The following CNTNAP4 variants were observed in gnomAD, a reference collection of about 807,000 sequenced individuals.
CNTNAP4 encodes the protein contactin associated protein family member 4.
CNTNAP4 carries 98 observed loss-of-function variants against 148.4 expected under a neutral mutation model. The ratio of observed to expected loss-of-function variants is 0.66; its 90% confidence interval spans 0.56 to 0.78. The LOEUF (loss-of-function observed/expected upper bound fraction) is 0.78. CNTNAP4 is among the 30% of genes least tolerant of loss of function. The probability of loss-of-function intolerance (pLI) is 0.00; values close to 1 mark genes in which losing one functional copy is unlikely to be tolerated. For missense variants in CNTNAP4, 1,935 were observed against 1,565.6 expected, an observed-to-expected ratio of 1.24 and a Z score of -3.98; for synonymous variants, 730 against 565.1, an observed-to-expected ratio of 1.29 and a Z score of -4.14.
chr16:76,322,923 C>T (rs1962577074), intron 2 of CNTNAP4, among the ~76,000 whole-genome samples: 1 of 152,020 alleles, frequency 6.6e-6, no homozygotes, highest in Non-Finnish European at 1.5e-5. Context: ...CAACCTCTGC[C>T]TTGTGGGTTC....
At chr16:76,313,095 C>T (rs564577026) in intron 1 of CNTNAP4, among the ~76,000 whole-genome samples, 1 of 152,104 alleles carries the variant, frequency 6.6e-6, no homozygotes, top group Non-Finnish European at 1.5e-5. Flanking sequence ...TATTACATGT[C>T]TTTCTCCCCA....
chr16:76,378,678 C>T lies in CNTNAP4; in HGVS notation c.390+23167C>T, dbSNP rs1464319971. ...GTCCAGTGTATTCTTGCAGTCTCAG[C>T]CCTGACCACACTCCAGCTTTCTAGG... On this transcript the variant is annotated intron_variant, in intron 3 of 23. Coordinates refer to ENST00000611870, the MANE Select transcript of CNTNAP4 (RefSeq NM_033401.5). 2.6e-5 allele frequency among the ~76,000 whole-genome samples: 4 copies of T among 152,190 alleles called. No individual in the cohort carries two copies. The East Asian group carries it at 7.7e-4, about 29-fold the overall frequency.
chr16:76,516,692 A>G (rs2083265680), intron 15 of CNTNAP4, among the ~76,000 whole-genome samples: 1 of 152,248 alleles, frequency 6.6e-6, no homozygotes, highest in Admixed American at 6.5e-5. Context: ...ATTTTAATAT[A>G]TCCATACCAT....
At chr16:76,301,144 T>C (rs1413497854) in intron 1 of CNTNAP4, among the ~76,000 whole-genome samples, 2 of 151,562 alleles carry the variant, frequency 1.3e-5, no homozygotes, top group Non-Finnish European at 2.9e-5. Context: ...TATAAAAAAT[T>C]AACACACACA....
At chr16:76,529,843 C>CTCTG (rs1555595408) in intron 17 of CNTNAP4, among the ~76,000 whole-genome samples, 1 of 148,352 alleles carries the variant, frequency 6.7e-6, no homozygotes. Flanking sequence ...TGAATCTCAG[C>CTCTG]TGTGTGTGTG....
intron 13 of CNTNAP4, among the ~76,000 whole-genome samples, chr16:76,490,310 A>T (rs1568379427): frequency 6.6e-6 from 1 of 152,164 alleles, no homozygotes; most frequent in Non-Finnish European, 1.5e-5. Context: ...TGGATTGTTG[A>T]CAGCCTCTGG....
At chr16:76,366,521 A>T (rs1055008996) in intron 3 of CNTNAP4, among the ~76,000 whole-genome samples, 2 of 152,078 alleles carry the variant, frequency 1.3e-5, no homozygotes, top group Non-Finnish European at 2.9e-5. Context: ...CATTTTCTTT[A>T]TCCAGTCTTT....
At chr16:76,419,164 C>T (rs1292418634) in intron 3 of CNTNAP4, among the ~76,000 whole-genome samples, 3 of 152,026 alleles carry the variant, frequency 2.0e-5, no homozygotes, top group East Asian at 1.9e-4. Context: ...TTCCCTCCTG[C>T]CAGCTACTGT....
At chr16:76,462,786 A>G (rs73621009) in intron 9 of CNTNAP4, among the ~76,000 whole-genome samples, 6,801 of 152,282 alleles carry the variant, frequency 0.045, 286 homozygotes, top group African/African-American at 0.11. Flanking sequence ...TAGAAATCCA[A>G]TGTTTTAAAA....
intron 13 of CNTNAP4, among the ~76,000 whole-genome samples, chr16:76,493,085 G>T (rs2082281749): frequency 6.6e-6 from 1 of 151,988 alleles, no homozygotes; most frequent in Non-Finnish European, 1.5e-5. Flanking sequence ...TTCTCAGATT[G>T]GTGACCTCAT....
intron 3 of CNTNAP4, among the ~76,000 whole-genome samples, chr16:76,408,119 T>C (rs1193742936): frequency 6.6e-6 from 1 of 152,052 alleles, no homozygotes; most frequent in Non-Finnish European, 1.5e-5. Flanking sequence ...GGCATATAGC[T>C]ATTATACACT....
intron 1 of CNTNAP4, among the ~76,000 whole-genome samples, chr16:76,289,542 T>TTC (rs1555514281): frequency 6.6e-6 from 1 of 151,326 alleles, no homozygotes; most frequent in Non-Finnish European, 1.5e-5. Flanking sequence ...TTTTTTTTTT[T>TTC]ACCAGCATTA....
chr16:76,488,085 G>C (rs921389889), intron 12 of CNTNAP4, among the ~76,000 whole-genome samples: 1 of 152,146 alleles, frequency 6.6e-6, no homozygotes, highest in African/African-American at 2.4e-5. Context: ...AGGCTGTCAG[G>C]TTTGTCTAGT....
chr16:76,467,526 A>G lies in CNTNAP4; in HGVS notation c.1655+3A>G, dbSNP rs2081217950. ...GACTCATGTGGCATCTCAGACAGGT[A>G]AGGGCAATCTCACTTCATTTTGACC... is the stretch of plus-strand genomic sequence containing the variant. On this transcript the variant is annotated splice_donor_region_variant and intron_variant, in intron 10 of 23. Coordinates refer to ENST00000611870, the MANE Select transcript of CNTNAP4 (RefSeq NM_033401.5). The G allele has an allele frequency of 2.5e-6, 4 of 1,596,378 alleles. No homozygotes were observed. Among genetic ancestry groups the G allele is most frequent in the African/African-American group, 1.4e-5 (1 of 74,020 alleles).
intron 23 of CNTNAP4, among the ~76,000 whole-genome samples, chr16:76,554,895 A>C (rs1309863417): frequency 6.6e-6 from 1 of 151,890 alleles, no homozygotes; most frequent in Non-Finnish European, 1.5e-5. Context: ...TGGCTTCTTA[A>C]AGTTGGTTTT....
At chr16:76,294,653 G>A (rs1959192713) in intron 1 of CNTNAP4, among the ~76,000 whole-genome samples, 1 of 152,100 alleles carries the variant, frequency 6.6e-6, no homozygotes, top group Admixed American at 6.6e-5. Context: ...CTCTGGGTTG[G>A]GCTATTATTC....
intron 3 of CNTNAP4, among the ~76,000 whole-genome samples, chr16:76,363,469 T>C (rs2013695038): frequency 6.6e-6 from 1 of 152,124 alleles, no homozygotes; most frequent in South Asian, 2.1e-4. Context: ...GCCTGGACCC[T>C]TATACCGTAT....
At chr16:76,417,650 A>G (rs1237308336) in intron 3 of CNTNAP4, among the ~76,000 whole-genome samples, 1 of 151,666 alleles carries the variant, frequency 6.6e-6, no homozygotes, top group Non-Finnish European at 1.5e-5. Context: ...ACTAAGAATA[A>G]GAAAAATAAA....
intron 3 of CNTNAP4, among the ~76,000 whole-genome samples, chr16:76,381,544 G>A (rs1223550024): frequency 6.6e-6 from 1 of 152,086 alleles, no homozygotes; most frequent in African/African-American, 2.4e-5. Context: ...TCAGGTGATC[G>A]TCAATTTCAT....
Sources: allele counts gnomAD v4.1 joint callset (sites outside exome capture counted in the v4.1 genomes callset), GRCh38; gene constraint gnomAD v4.1.1; transcripts MANE v1.5; gene names NCBI Gene and HGNC (gene_info 2026-07-23, HGNC 2026-07-21).